Variants in ELMO1 observed in about 807,000 individuals in gnomAD.
ELMO1 encodes the protein engulfment and cell motility 1, also known as engulfment and cell motility protein 1.
In ELMO1, 26 loss-of-function variants were observed where a neutral mutation model predicts 98.9. The observed-to-expected ratio is 0.26, with a 90% confidence interval of 0.19 to 0.36. The LOEUF is 0.36. ELMO1 is among the 10% of genes least tolerant of loss of function. ELMO1 has a pLI of 1.00. For missense variants in ELMO1, 627 were observed against 935.2 expected (o/e 0.67, Z 4.30); for synonymous variants, 346 against 346.0 (o/e 1.00, Z 0.00).
intron 21 of ELMO1, among the ~76,000 whole-genome samples, chr7:36,860,129 C>T (rs982260893): frequency 6.6e-6 from 1 of 152,148 alleles, no homozygotes; most frequent in Non-Finnish European, 1.5e-5. Flanking sequence ...ACATAACATA[C>T]AAAATGTGTG....
rs73693537 is a variant in ELMO1, at chr7:37,393,402, C to T, written c.-73-50639G>A. Reference sequence around the variant, plus strand: ...CTCGTTCAAATTTCACCAAATGTCCCGATAATGTACTTTATAGTAAATTAT... The same window carrying T: ...CTCGTTCAAATTTCACCAAATGTCCTGATAATGTACTTTATAGTAAATTAT... On this transcript the variant is annotated intron_variant, in intron 1 of 21. Transcript: ENST00000310758. Among the ~76,000 whole-genome samples the T allele has an allele frequency of 8.0e-3, 1,219 of 152,076 alleles. 16 individuals are homozygous for T. The highest frequency in any genetic ancestry group is 0.026 in the African/African-American group (1,098 of 41,448).
intron 1 of ELMO1, among the ~76,000 whole-genome samples, chr7:37,426,481 T>A (rs1244690439): frequency 6.6e-6 from 1 of 152,020 alleles, no homozygotes; most frequent in Non-Finnish European, 1.5e-5. Context: ...AAAATACTAG[T>A]AGTAATTAAT....
intron 14 of ELMO1, among the ~76,000 whole-genome samples, chr7:37,112,083 C>A (rs1376538431): frequency 6.6e-6 from 1 of 151,978 alleles, no homozygotes; most frequent in Non-Finnish European, 1.5e-5. Context: ...CCATAAAGGA[C>A]TTCAGAGGGG....
intron 15 of ELMO1, among the ~76,000 whole-genome samples, chr7:37,018,987 C>T (rs886705493): frequency 6.6e-6 from 1 of 152,194 alleles, no homozygotes; most frequent in Non-Finnish European, 1.5e-5. Flanking sequence ...ACCAATCATT[C>T]TTGATGATAT....
intron 1 of ELMO1, among the ~76,000 whole-genome samples, chr7:37,438,599 CAA>C (rs35711008): frequency 5.4e-5 from 8 of 147,760 alleles, no homozygotes; most frequent in Admixed American, 3.4e-4. Flanking sequence ...GACTCTGTCT[CAA>C]AAAAAAAAAC....
At chr7:37,160,181 G>A (rs1190920464) in intron 13 of ELMO1, among the ~76,000 whole-genome samples, 1 of 152,144 alleles carries the variant, frequency 6.6e-6, no homozygotes, top group Non-Finnish European at 1.5e-5. Context: ...TTCTCCCTGT[G>A]CTGTATGCTG....
intron 16 of ELMO1, among the ~76,000 whole-genome samples, chr7:37,001,693 G>T (rs1216952797): frequency 1.3e-5 from 2 of 152,170 alleles, no homozygotes; most frequent in African/African-American, 4.8e-5. Flanking sequence ...CAGGTAAATG[G>T]GGGAAGACGT....
At chr7:37,129,180 G>A (rs1191189484) in intron 14 of ELMO1, among the ~76,000 whole-genome samples, 1 of 152,024 alleles carries the variant, frequency 6.6e-6, no homozygotes, top group Non-Finnish European at 1.5e-5. Context: ...AGAGGGAAAG[G>A]GAAGTTGGTA....
chr7:37,019,922 T>C (rs1444625951), intron 15 of ELMO1, among the ~76,000 whole-genome samples: 1 of 152,174 alleles, frequency 6.6e-6, no homozygotes, highest in African/African-American at 2.4e-5. Flanking sequence ...AACCTGAACA[T>C]ACATATTTTT....
intron 13 of ELMO1, among the ~76,000 whole-genome samples, chr7:37,188,771 C>A (rs1584783764): frequency 1.3e-5 from 2 of 152,136 alleles, no homozygotes; most frequent in Admixed American, 1.3e-4. Flanking sequence ...AAACACAACC[C>A]AACGACCACT....
intron 8 of ELMO1, among the ~76,000 whole-genome samples, chr7:37,232,103 C>G (rs1794208957): frequency 6.6e-6 from 1 of 152,154 alleles, no homozygotes; most frequent in Non-Finnish European, 1.5e-5. Context: ...TCCACCTGCG[C>G]TGGCCTCCCA....
rs576665195 is a variant in ELMO1 at position 37,082,590 on chromosome 7, G to GT, written c.1300+14028dup. 1.7e-3 allele frequency among the ~76,000 whole-genome samples: 257 copies of GT among 152,116 alleles called. 2 individuals carry two copies. The highest frequency in any genetic ancestry group is 2.5e-3 in the Non-Finnish European group (170 of 68,010). On this transcript the variant is annotated intron_variant, in intron 15 of 21. Coordinates refer to ENST00000310758, the MANE Select transcript of ELMO1 (RefSeq NM_014800.11). ...AGTAGTGTGTCTGTGTAAAAATTGT[G>GT]TGTAGTGGCATGTGTCTGTGGTTCC...
At chr7:37,138,116 A>G (rs1040618580) in intron 13 of ELMO1, among the ~76,000 whole-genome samples, 3 of 152,162 alleles carry the variant, frequency 2.0e-5, no homozygotes, top group African/African-American at 7.2e-5. Flanking sequence ...TTAAATGCCT[A>G]CATCGGAAGT....
At chr7:37,032,074 A>G (rs1327459425) in intron 15 of ELMO1, among the ~76,000 whole-genome samples, 1 of 152,160 alleles carries the variant, frequency 6.6e-6, no homozygotes, top group African/African-American at 2.4e-5. Context: ...TCCTCATTCC[A>G]GGCCTGCGTG....
At chr7:37,085,731 T>A (rs1783731630) in intron 15 of ELMO1, among the ~76,000 whole-genome samples, 1 of 152,192 alleles carries the variant, frequency 6.6e-6, no homozygotes, top group Admixed American at 6.5e-5. Context: ...TTTTGCACTT[T>A]ACACCTTTGG....
intron 12 of ELMO1, among the ~76,000 whole-genome samples, chr7:37,212,690 T>C (rs1393744220): frequency 6.6e-6 from 1 of 152,170 alleles, no homozygotes; most frequent in Non-Finnish European, 1.5e-5. Context: ...CACGTGCCAA[T>C]AATGAGTGTT....
At chr7:37,279,496 C>A (rs1278847944) in intron 4 of ELMO1, among the ~76,000 whole-genome samples, 1 of 152,164 alleles carries the variant, frequency 6.6e-6, no homozygotes, top group Non-Finnish European at 1.5e-5. Context: ...CCGGGAGACA[C>A]CCCAAATACT....
chr7:37,337,978 C>G (rs1800514415), intron 2 of ELMO1, among the ~76,000 whole-genome samples: 1 of 152,132 alleles, frequency 6.6e-6, no homozygotes, highest in African/African-American at 2.4e-5. Flanking sequence ...TCCCACTTGT[C>G]TTTTAATTTT....
chr7:37,005,953 C>G (rs1237271318), intron 16 of ELMO1, among the ~76,000 whole-genome samples: 1 of 152,142 alleles, frequency 6.6e-6, no homozygotes, highest in Non-Finnish European at 1.5e-5. Flanking sequence ...GCCATCCTAG[C>G]TGTGGGTAAT....
Sources: allele counts gnomAD v4.1 joint callset (sites outside exome capture counted in the v4.1 genomes callset), GRCh38; gene constraint gnomAD v4.1.1; transcripts MANE v1.5; gene names NCBI Gene and HGNC (gene_info 2026-07-23, HGNC 2026-07-21).